BST1: variants seen among roughly 807,000 people sequenced by gnomAD.
BST1 encodes the protein ADP-ribosyl cyclase/cyclic ADP-ribose hydrolase 2.
In BST1, 49 loss-of-function variants were observed where a neutral mutation model predicts 40.6. The ratio of observed to expected loss-of-function variants is 1.21; its 90% confidence interval spans 0.96 to 1.53. BST1 has a LOEUF of 1.53. BST1 is among the 40% of genes most tolerant of loss of function. The pLI is 0.00. For synonymous variants in BST1, 157 were observed against 159.3 expected, an observed-to-expected ratio of 0.99 and a Z score of 0.11; for missense variants, 423 against 395.9, an observed-to-expected ratio of 1.07 and a Z score of -0.58.
chr4:15,753,955 G>A, the BST1 span, among the ~76,000 whole-genome samples: 5 of 152,174 alleles, frequency 3.3e-5, no homozygotes, highest in Non-Finnish European at 1.5e-5. Flanking sequence ...CCTGCAGGGA[G>A]GAAGCCAGCT....
rs1297204548 is a variant in BST1, at chr4:15,703,144, G to A, written c.-1G>A. ...GGGACTGGAGGGACCAAAGTTCCCCGATGGCGGCCCAGGGGTGCGCGGCAT... is the reference window on the plus strand; with the variant it reads ...GGGACTGGAGGGACCAAAGTTCCCCAATGGCGGCCCAGGGGTGCGCGGCAT... On this transcript the variant is annotated 5_prime_UTR_variant, in exon 1 of 9. Transcript: ENST00000265016. 6.3e-7 allele frequency: 1 copy of A among 1,580,068 alleles called. No individual in the cohort carries two copies. The highest frequency in any genetic ancestry group is 8.6e-7 in the Non-Finnish European group (1 of 1,165,474).
At chr4:15,758,950 G>T in the BST1 span, among the ~76,000 whole-genome samples, 1 of 152,032 alleles carries the variant, frequency 6.6e-6, no homozygotes, top group South Asian at 2.1e-4. Flanking sequence ...ACGGAGCTAT[G>T]GCCTACACAC....
chr4:15,772,343 C>T, the BST1 span, among the ~76,000 whole-genome samples: 1 of 152,130 alleles, frequency 6.6e-6, no homozygotes, highest in African/African-American at 2.4e-5. Context: ...ATGCCCAGAA[C>T]AAGAGAGCAG....
chr4:15,703,348 G>C lies in BST1; in HGVS notation c.188+16G>C, dbSNP rs746057855. On this transcript the variant is annotated intron_variant, in intron 1 of 8. Coordinates refer to ENST00000265016, the MANE Select transcript of BST1 (RefSeq NM_004334.3). ...CCGAGCAGCGGTGAGGCAGTCGGCCGGGTGGAAGGGGAGCCGGAAAGAGGC... is the reference window on the plus strand; with the variant it reads ...CCGAGCAGCGGTGAGGCAGTCGGCCCGGTGGAAGGGGAGCCGGAAAGAGGC... The C allele has an allele frequency of 6.7e-7, 1 of 1,491,436 alleles. No individual in the cohort carries two copies. Among genetic ancestry groups the C allele is most frequent in the East Asian group, 2.7e-5 (1 of 37,424 alleles). The allele number at this position is 1,491,436 out of a possible 1,614,324, so 92.4% of individuals were successfully genotyped here. A position where few individuals can be genotyped will look rare whatever the true frequency, so the allele number is the denominator to read the frequency against.
the BST1 span, among the ~76,000 whole-genome samples, chr4:15,763,805 A>C: frequency 7.9e-5 from 12 of 152,074 alleles, no homozygotes; most frequent in Admixed American, 6.5e-4. Flanking sequence ...TGCTAAGTGA[A>C]CGAAGCCAAT....
intron 6 of BST1, among the ~76,000 whole-genome samples, chr4:15,718,510 G>T (rs1056795922): frequency 5.9e-5 from 9 of 152,030 alleles, no homozygotes; most frequent in African/African-American, 1.9e-4. Flanking sequence ...TGTTTTGGTG[G>T]TTACTTAAAA....
chr4:15,738,969 G>A (rs968379667), downstream of BST1, among the ~76,000 whole-genome samples: 1 of 152,230 alleles, frequency 6.6e-6, no homozygotes, highest in Admixed American at 6.5e-5. Flanking sequence ...TTCCCAGGGT[G>A]AGAAAGTGGA....
At chr4:15,712,543 G>A (rs1357290441) in intron 4 of BST1, among the ~76,000 whole-genome samples, 1 of 152,154 alleles carries the variant, frequency 6.6e-6, no homozygotes, top group Non-Finnish European at 1.5e-5. Context: ...CATTAGCTAG[G>A]TTGACCAGGT....
At chr4:15,714,438 A>G (rs998482691) in intron 4 of BST1, among the ~76,000 whole-genome samples, 1 of 152,236 alleles carries the variant, frequency 6.6e-6, no homozygotes, top group African/African-American at 2.4e-5. Context: ...TTCACACAGT[A>G]GAGCCCATGC....
chr4:15,756,217 C>T, the BST1 span, among the ~76,000 whole-genome samples: 1 of 152,118 alleles, frequency 6.6e-6, no homozygotes, highest in South Asian at 2.1e-4. Flanking sequence ...TTGGGGGAAG[C>T]TCTTCTCATA....
chr4:15,767,125 G>C, the BST1 span, among the ~76,000 whole-genome samples: 1 of 150,250 alleles, frequency 6.7e-6, no homozygotes, highest in South Asian at 2.1e-4. Context: ...AGAAGGGAGA[G>C]AAAGTACCCA....
chr4:15,738,986 G>C (rs1307906249), downstream of BST1, among the ~76,000 whole-genome samples: 2 of 152,214 alleles, frequency 1.3e-5, no homozygotes. Context: ...TGGAACTCAG[G>C]ACAATGAATC....
At chr4:15,751,863 A>T in the BST1 span, among the ~76,000 whole-genome samples, 4,818 of 152,156 alleles carry the variant, frequency 0.032, 133 homozygotes, top group Non-Finnish European at 0.048. Flanking sequence ...TTTTCTCATC[A>T]CAGCACACAG....
chr4:15,703,687 G>GACA, intron 1 of BST1, among the ~76,000 whole-genome samples: 1 of 142,858 alleles, frequency 7.0e-6, no homozygotes, highest in Middle Eastern at 3.8e-3. Context: ...CTCTAGAGGT[G>GACA]GATGTGTGTG....
chr4:15,730,835 G>A lies in BST1; in HGVS notation c.852-905G>A, dbSNP rs111420494. The A allele has an allele frequency of 1.0e-4, 17 of 163,820 alleles. No individual in the cohort carries two copies. The East Asian group carries it at 2.3e-3, about 22-fold the overall frequency. The allele number at this position is 163,820 out of a possible 1,614,324, so 10.1% of individuals were successfully genotyped here. A position where few individuals can be genotyped will look rare whatever the true frequency, so the allele number is the denominator to read the frequency against. On this transcript the variant is annotated intron_variant, in intron 8 of 8. Coordinates refer to ENST00000265016, the MANE Select transcript of BST1 (RefSeq NM_004334.3). Reference sequence around the variant, plus strand: ...TGGTTTTCTATGGAAAGTGCAAATGGGGAGACTAAGAGACTTTTACTTTCC... The same window carrying A: ...TGGTTTTCTATGGAAAGTGCAAATGAGGAGACTAAGAGACTTTTACTTTCC...
chr4:15,736,192 T>C (rs1721556796), downstream of BST1: 5 of 1,213,274 alleles, frequency 4.1e-6, no homozygotes, highest in Non-Finnish European at 5.4e-6. Flanking sequence ...TTCTGCTTGG[T>C]TTCTCCTTCA....
downstream of BST1, among the ~76,000 whole-genome samples, chr4:15,737,468 G>A (rs894664304): frequency 2.6e-5 from 4 of 152,232 alleles, no homozygotes; most frequent in African/African-American, 9.6e-5. Context: ...TGGGCAGCAA[G>A]GGGGCAGCAG....
chr4:15,757,137 A>G, the BST1 span, among the ~76,000 whole-genome samples: 48 of 152,064 alleles, frequency 3.2e-4, no homozygotes, highest in Non-Finnish European at 6.2e-4. Flanking sequence ...TCCCCTTCTC[A>G]TAGCTTGTCT....
downstream of BST1, among the ~76,000 whole-genome samples, chr4:15,733,272 T>G (rs1721451766): frequency 6.6e-6 from 1 of 152,236 alleles, no homozygotes; most frequent in East Asian, 1.9e-4. Context: ...TGCTGATTGG[T>G]GTGTTTACTA....
Sources: allele counts gnomAD v4.1 joint callset (sites outside exome capture counted in the v4.1 genomes callset), GRCh38; gene constraint gnomAD v4.1.1; transcripts MANE v1.5; gene names NCBI Gene and HGNC (gene_info 2026-07-23, HGNC 2026-07-21).